RAI14: variants seen among roughly 807,000 people sequenced by gnomAD.
RAI14 encodes retinoic acid induced 14, also known as ankycorbin.
A neutral mutation model predicts 115.4 loss-of-function variants in RAI14; 45 were observed. The ratio of observed to expected loss-of-function variants is 0.39; its 90% CI spans 0.31 to 0.50. The LOEUF (loss-of-function observed/expected upper bound fraction) is 0.50, where lower values mean the gene tolerates loss of function less well. Among genes scored for constraint, RAI14 ranks in the 20% least tolerant of loss-of-function variants. The pLI is 0.85. For synonymous variants in RAI14, 371 were observed against 415.4 expected, an observed-to-expected ratio of 0.89 and a Z score of 1.30; for missense variants, 939 against 1,131.2, an observed-to-expected ratio of 0.83 and a Z score of 2.44.
chr5:34,773,282 T>TA (rs1750422457), intron 3 of RAI14, among the ~76,000 whole-genome samples: 1 of 152,108 alleles, frequency 6.6e-6, no homozygotes, highest in Admixed American at 6.5e-5. Context: ...AAGACTTAAA[T>TA]GTAAGACCTG....
intron 2 of RAI14, among the ~76,000 whole-genome samples, chr5:34,718,660 A>G (rs963973576): frequency 2.0e-5 from 3 of 152,220 alleles, no homozygotes; most frequent in African/African-American, 7.2e-5. Context: ...AAGATTGTGA[A>G]TTTTGGGTCA....
chr5:34,787,878 A>C (rs1752481748), intron 3 of RAI14, among the ~76,000 whole-genome samples: 1 of 109,936 alleles, frequency 9.1e-6, no homozygotes, highest in Admixed American at 1.0e-4. Flanking sequence ...GGGTTTCTTA[A>C]CCTGGATACT....
chr5:34,697,436 C>CA (rs1214679104), intron 2 of RAI14, among the ~76,000 whole-genome samples: 125 of 64,196 alleles, frequency 1.9e-3, no homozygotes, highest in Middle Eastern at 0.012. Flanking sequence ...AACTCTGTCT[C>CA]AAAAAAAAAA....
Position 34,823,937 on chromosome 5 carries a change from C to T in RAI14, c.2095C>T (p.Leu699=), listed in dbSNP as rs1308447139. 1.2e-6 allele frequency: 2 copies of T among 1,614,048 alleles called. No individual in the cohort carries two copies. The highest frequency in any genetic ancestry group is 1.7e-6 in the Non-Finnish European group (2 of 1,180,044). Residue 699 remains leucine, a synonymous_variant, in exon 15 of 18, where the codon CTG becomes TTG. Coordinates refer to ENST00000265109, the MANE Select transcript of RAI14 (RefSeq NM_015577.3). This position sits in a 1 kb window ranked among gnomAD's most constrained non-coding sequence, Gnocchi z 4.5. The stretch of plus-strand genomic sequence containing the variant: ...GTCCAGGGCTAAAGCAGAAGATGCA[C>T]TGTCTGAAATGAAGTCTCAGTATTC... ...NVSRAKAEDA[L]SEMKSQYSKV... is the part of the protein sequence containing the mutation.
intron 2 of RAI14, among the ~76,000 whole-genome samples, chr5:34,696,154 T>C (rs1314643350): frequency 6.6e-6 from 1 of 152,124 alleles, no homozygotes; most frequent in African/African-American, 2.4e-5. Context: ...TTTTTATTTT[T>C]TTGAGACGGA....
At chr5:34,694,044 G>C (rs1212245286) in intron 2 of RAI14, among the ~76,000 whole-genome samples, 1 of 152,202 alleles carries the variant, frequency 6.6e-6, no homozygotes, top group Non-Finnish European at 1.5e-5. Flanking sequence ...ATGGGTCATA[G>C]CTTTATTCTA....
At position 34,830,838 on chromosome 5, in the gene RAI14, T is replaced by C; in HGVS notation, c.*73T>C. Reference sequence around the variant, plus strand: ...TAGATCCAGAGTTGTCGGCAGCCGCTGCCATTGTTCTCATTCGTGGTATGC... The same window carrying C: ...TAGATCCAGAGTTGTCGGCAGCCGCCGCCATTGTTCTCATTCGTGGTATGC... On this transcript the variant is annotated 3_prime_UTR_variant, in exon 18 of 18. Transcript: ENST00000265109. 6.3e-7 allele frequency: 1 copy of C among 1,599,404 alleles called. No homozygotes were observed. The highest frequency in any genetic ancestry group is 1.1e-5 in the South Asian group (1 of 88,776).
rs1401864428 is a variant in RAI14, at chr5:34,822,860, T to G, written c.1114-96T>G. On this transcript the variant is annotated intron_variant, in intron 14 of 17. Transcript: ENST00000265109. ...CACCACGCCCGGCTAATTTTTTGTA[T>G]TTTTTTTTAGTAGAGACGGGGTTTC... 3 of 908,100 alleles carry G rather than the reference T, an allele frequency of 3.3e-6. No individual in the cohort carries two copies. The African/African-American group carries it at 5.2e-5, about 16-fold the overall frequency. The allele number at this position is 908,100 out of a possible 1,614,324, so 56.3% of individuals were successfully genotyped here. A position where few individuals can be genotyped will look rare whatever the true frequency, so the allele number is the denominator to read the frequency against.
intron 2 of RAI14, among the ~76,000 whole-genome samples, chr5:34,715,750 G>A (rs1741909381): frequency 6.6e-6 from 1 of 152,074 alleles, no homozygotes; most frequent in Non-Finnish European, 1.5e-5. Context: ...CTTCTCCCTA[G>A]AGCAGTACCC....
At chr5:34,701,691 G>C (rs1343947704) in intron 2 of RAI14, among the ~76,000 whole-genome samples, 1 of 152,156 alleles carries the variant, frequency 6.6e-6, no homozygotes, top group Non-Finnish European at 1.5e-5. Context: ...ATAAAACCAA[G>C]CTGTGCCCTG....
intron 2 of RAI14, among the ~76,000 whole-genome samples, chr5:34,741,584 C>G (rs1000447278): frequency 3.3e-5 from 5 of 152,212 alleles, no homozygotes; most frequent in Non-Finnish European, 5.9e-5. Context: ...ATTCCAGAAT[C>G]AAGAGCTTGG....
intron 12 of RAI14, among the ~76,000 whole-genome samples, chr5:34,817,092 A>G (rs1166381884): frequency 6.6e-6 from 1 of 151,916 alleles, no homozygotes; most frequent in Admixed American, 6.6e-5. Context: ...CCTGGCTAAC[A>G]CAGTGAAACC....
intron 2 of RAI14, among the ~76,000 whole-genome samples, chr5:34,755,360 T>C (rs1156916243): frequency 1.3e-5 from 2 of 152,174 alleles, no homozygotes; most frequent in Non-Finnish European, 2.9e-5. Flanking sequence ...ATTCTTACTT[T>C]GTTAAACCTA....
chr5:34,715,957 G>A (rs1561270180), intron 2 of RAI14: 1 of 324,118 alleles, frequency 3.1e-6, no homozygotes, highest in Non-Finnish European at 5.9e-6. Flanking sequence ...TTTAAAAAAA[G>A]AAAAAGCATT....
At position 34,823,807 on chromosome 5, in the gene RAI14, C is replaced by A; in HGVS notation, c.1965C>A (p.Ala655=). 1 of 1,614,058 alleles carries A rather than the reference C, an allele frequency of 6.2e-7. No individual in the cohort carries two copies. The part of the protein sequence containing the change: ...VSELSQLYKE[A]QAELEDYRKR... ...AGCTGTCACAGCTGTACAAAGAAGC[C>A]CAGGCTGAGCTGGAGGATTACAGGA... is the stretch of plus-strand genomic sequence containing the variant. The change falls in exon 15 of 18, where the codon GCC becomes GCA. Residue 655 remains alanine (A), a synonymous_variant. Transcript: ENST00000265109. This position sits in a 1 kb window ranked among gnomAD's most constrained non-coding sequence, Gnocchi z 4.5.
intron 3 of RAI14, among the ~76,000 whole-genome samples, chr5:34,781,870 C>T (rs1751691570): frequency 6.6e-6 from 1 of 152,160 alleles, no homozygotes. Context: ...AGTGGGAAAT[C>T]AGGGGTCTCA....
intron 1 of RAI14, among the ~76,000 whole-genome samples, chr5:34,664,678 T>G (rs1052974282): frequency 9.2e-5 from 14 of 151,786 alleles, no homozygotes; most frequent in Non-Finnish European, 1.6e-4. Context: ...GTTACATGAG[T>G]AAGTTCTTTA....
chr5:34,666,848 G>A (rs1280751439), intron 1 of RAI14, among the ~76,000 whole-genome samples: 1 of 152,244 alleles, frequency 6.6e-6, no homozygotes, highest in Non-Finnish European at 1.5e-5. Context: ...TTACCAGTAT[G>A]TGTTGATGGG....
At chr5:34,758,860 C>G (rs1748241484) in intron 3 of RAI14, among the ~76,000 whole-genome samples, 1 of 152,138 alleles carries the variant, frequency 6.6e-6, no homozygotes, top group African/African-American at 2.4e-5. Context: ...TTTATCTGGC[C>G]TTTTACAAAA....
Sources: allele counts gnomAD v4.1 joint callset (sites outside exome capture counted in the v4.1 genomes callset), GRCh38; gene constraint gnomAD v4.1.1; non-coding constraint Gnocchi (gnomAD v3.1); transcripts MANE v1.5; gene names NCBI Gene and HGNC (gene_info 2026-07-23, HGNC 2026-07-21).